The following ITGA9 variants were observed in gnomAD, a reference collection of about 807,000 sequenced individuals.
ITGA9 encodes integrin alpha-9.
In ITGA9, 56 loss-of-function variants were observed where a neutral mutation model predicts 127.8. The observed-to-expected ratio is 0.44, with a 90% CI of 0.35 to 0.55. The LOEUF (loss-of-function observed/expected upper bound fraction) is 0.55, where lower values mean the gene tolerates loss of function less well. Ranked by LOEUF, ITGA9 falls within the 20% of genes least tolerant of loss-of-function variation. The probability of loss-of-function intolerance (pLI) is 0.00; values close to 1 mark genes in which losing one functional copy is unlikely to be tolerated. For missense variants in ITGA9, 1,196 were observed against 1,347.1 expected (o/e 0.89, Z 1.76); for synonymous variants, 508 against 514.5 (o/e 0.99, Z 0.17).
At chr3:37,791,262 C>G (rs1697106334) in intron 26 of ITGA9, among the ~76,000 whole-genome samples, 1 of 152,158 alleles carries the variant, frequency 6.6e-6, no homozygotes, top group African/African-American at 2.4e-5. Flanking sequence ...TGAATTCTTG[C>G]TATTTTCTTG....
chr3:37,777,320 A>T (rs1575233022), intron 23 of ITGA9, 72 bp from the exon 24 acceptor site: 1 of 1,548,632 alleles, frequency 6.5e-7, no homozygotes, highest in East Asian at 2.2e-5. Flanking sequence ...TCCTGCCTCT[A>T]CAATAAGAGG....
intron 4 of ITGA9, among the ~76,000 whole-genome samples, chr3:37,487,918 T>C (rs1265300528): frequency 6.6e-6 from 1 of 152,182 alleles, no homozygotes; most frequent in African/African-American, 2.4e-5. Context: ...GTTTTGCAAT[T>C]ATAGATACAC....
At chr3:37,462,418 A>C (rs1417572919) in intron 1 of ITGA9, among the ~76,000 whole-genome samples, 2 of 152,222 alleles carry the variant, frequency 1.3e-5, no homozygotes, top group East Asian at 3.8e-4. Context: ...ATTATTGCCA[A>C]CCTTTTATGA....
intron 4 of ITGA9, among the ~76,000 whole-genome samples, chr3:37,486,128 G>A (rs180895687): frequency 1.3e-5 from 2 of 152,218 alleles, no homozygotes; most frequent in Admixed American, 6.5e-5. Flanking sequence ...GACCACTGAG[G>A]CAAGAAGCCG....
chr3:37,577,326 T>A (rs915211430), intron 15 of ITGA9, among the ~76,000 whole-genome samples: 9 of 152,370 alleles, frequency 5.9e-5, no homozygotes, highest in Non-Finnish European at 1.3e-4. Context: ...ATAAAAGGAA[T>A]CCTGGCTGGG....
At chr3:37,515,784 G>C (rs941766770) in intron 9 of ITGA9, among the ~76,000 whole-genome samples, 9 of 152,170 alleles carry the variant, frequency 5.9e-5, no homozygotes, top group African/African-American at 2.2e-4. Context: ...GGTTGCCTAG[G>C]AGGCTGAGGC....
At chr3:37,668,118 A>G (rs1017254723) in intron 17 of ITGA9, among the ~76,000 whole-genome samples, 1 of 152,054 alleles carries the variant, frequency 6.6e-6, no homozygotes, top group African/African-American at 2.4e-5. Flanking sequence ...CAGATACCAT[A>G]TTTCAGGGAC....
chr3:37,606,951 A>G (rs1456322814), intron 15 of ITGA9, among the ~76,000 whole-genome samples: 1 of 149,144 alleles, frequency 6.7e-6, no homozygotes, highest in Non-Finnish European at 1.5e-5. Context: ...GGCCATAACA[A>G]TAGCAGGGCT....
At chr3:37,532,295 C>T (rs1699159988) in intron 13 of ITGA9, among the ~76,000 whole-genome samples, 1 of 152,216 alleles carries the variant, frequency 6.6e-6, no homozygotes, top group Admixed American at 6.5e-5. Flanking sequence ...CTCTTCACTT[C>T]CTTTGTTCAC....
chr3:37,544,596 T>A (rs1470364824), intron 15 of ITGA9, among the ~76,000 whole-genome samples: 5 of 152,130 alleles, frequency 3.3e-5, no homozygotes. Flanking sequence ...GAGATTGAGA[T>A]GATGGTTAGA....
chr3:37,591,221 T>G (rs1336874483), intron 15 of ITGA9, among the ~76,000 whole-genome samples: 1 of 152,238 alleles, frequency 6.6e-6, no homozygotes, highest in Admixed American at 6.5e-5. Context: ...CTTTTCATCA[T>G]GTCTGTGTGA....
At chr3:37,747,226 A>G (rs1414958785) in intron 22 of ITGA9, among the ~76,000 whole-genome samples, 1 of 152,170 alleles carries the variant, frequency 6.6e-6, no homozygotes, top group Admixed American at 6.5e-5. Flanking sequence ...TGTCATCATC[A>G]TCTAGTTGTA....
At chr3:37,769,654 C>G (rs369719981) in intron 23 of ITGA9, among the ~76,000 whole-genome samples, 2 of 152,166 alleles carry the variant, frequency 1.3e-5, no homozygotes, top group African/African-American at 4.8e-5. Flanking sequence ...CAAGTTTGCC[C>G]CTCTATGCTT....
At chr3:37,730,893 G>A (rs541111321) in intron 18 of ITGA9, among the ~76,000 whole-genome samples, 2 of 152,186 alleles carry the variant, frequency 1.3e-5, no homozygotes, top group Admixed American at 1.3e-4. Context: ...GCATATACGT[G>A]CCACGGGGCA....
intron 8 of ITGA9, among the ~76,000 whole-genome samples, chr3:37,512,024 T>TTTC (rs59709172): frequency 0.035 from 1,095 of 31,146 alleles, 80 homozygotes; most frequent in East Asian, 0.068. Flanking sequence ...TTTTCTTTTC[T>TTTC]TTTCTTTCTT....
At chr3:37,553,876 A>G (rs1251930339) in intron 15 of ITGA9, among the ~76,000 whole-genome samples, 2 of 152,242 alleles carry the variant, frequency 1.3e-5, no homozygotes, top group Non-Finnish European at 2.9e-5. Context: ...CTCAGCTTGC[A>G]GGAATTGAGA....
At chr3:37,459,888 G>A (rs1436402236) in intron 1 of ITGA9, among the ~76,000 whole-genome samples, 1 of 152,146 alleles carries the variant, frequency 6.6e-6, no homozygotes, top group African/African-American at 2.4e-5. Flanking sequence ...GCTTATTCAT[G>A]ACCCACTGGC....
intron 12 of ITGA9, among the ~76,000 whole-genome samples, chr3:37,524,633 A>G (rs1261454898): frequency 6.6e-6 from 1 of 152,242 alleles, no homozygotes; most frequent in African/African-American, 2.4e-5. Flanking sequence ...TTTAATATGT[A>G]CAAAATGCTT....
At chr3:37,817,629 A>G (rs1697451695) in intron 27 of ITGA9, among the ~76,000 whole-genome samples, 1 of 152,204 alleles carries the variant, frequency 6.6e-6, no homozygotes, top group South Asian at 2.1e-4. Context: ...AGGAAGATGC[A>G]GAGAGGAATG....
Sources: gnomAD v4.1 joint callset for allele counts (sites outside exome capture counted in the v4.1 genomes callset) on GRCh38, gnomAD v4.1.1 for gene constraint, MANE v1.5 for transcripts, NCBI Gene and HGNC (gene_info 2026-07-23, HGNC 2026-07-21) for gene names.